Variants in KIF5B observed in about 807,000 individuals in gnomAD.
KIF5B encodes the protein kinesin-1 heavy chain.
Under a neutral mutation model 132.8 loss-of-function variants are expected in KIF5B, and 49 were observed. The observed-to-expected ratio is 0.37, with a 90% CI of 0.29 to 0.47. KIF5B has a LOEUF of 0.47. KIF5B is among the 20% of genes least tolerant of loss of function. The probability of loss-of-function intolerance (pLI) is 1.00; values close to 1 mark genes in which losing one functional copy is unlikely to be tolerated. For synonymous variants in KIF5B, 355 were observed against 369.4 expected, an observed-to-expected ratio of 0.96 and a Z score of 0.45; for missense variants, 780 against 1,144.0, an observed-to-expected ratio of 0.68 and a Z score of 4.59.
At chr10:32,034,423 A>C (rs1439340722) in intron 11 of KIF5B, among the ~76,000 whole-genome samples, 1 of 151,972 alleles carries the variant, frequency 6.6e-6, no homozygotes, top group African/African-American at 2.4e-5. Flanking sequence ...CGTTCTTTCA[A>C]ACTTTTTCTT....
At chr10:32,055,355 G>T (rs560090848) in intron 1 of KIF5B, among the ~76,000 whole-genome samples, 2 of 152,220 alleles carry the variant, frequency 1.3e-5, no homozygotes, top group East Asian at 3.9e-4. Context: ...AAACAATACG[G>T]TTCAAGGACT....
chr10:32,015,019 G>A (rs1279403480), intron 25 of KIF5B, among the ~76,000 whole-genome samples: 1 of 152,134 alleles, frequency 6.6e-6, no homozygotes, highest in Non-Finnish European at 1.5e-5. Flanking sequence ...CAGTTTGGGA[G>A]GCTGAGGCAG....
chr10:32,034,612 T>G (rs1016187952), intron 11 of KIF5B, 78 bp downstream of exon 11: 135 of 1,087,916 alleles, frequency 1.2e-4, no homozygotes, highest in Non-Finnish European at 1.7e-4. Context: ...CTTACTGATT[T>G]TGCTGAACTA....
rs1841203058 is a variant in KIF5B at position 32,018,244 on chromosome 10, C to A, written c.2439+72G>T. The A allele has an allele frequency of 2.8e-6, 4 of 1,453,982 alleles. No homozygotes were observed. In the Admixed American group the frequency reaches 9.0e-5, roughly 33 times the overall value. The allele number at this position is 1,453,982 out of a possible 1,614,324, so 90.1% of individuals were successfully genotyped here. A position where few individuals can be genotyped will look rare whatever the true frequency, so the allele number is the denominator to read the frequency against. ...TTGACGTGACTGTAAAGTTATTTCA[C>A]TTTGAATACAAATAATTACCTAGAA... On this transcript the variant is annotated intron_variant, in intron 22 of 25. Coordinates refer to ENST00000302418, the MANE Select transcript of KIF5B (RefSeq NM_004521.3).
chr10:32,033,038 C>T (rs2132599726), intron 12 of KIF5B, among the ~76,000 whole-genome samples: 1 of 152,254 alleles, frequency 6.6e-6, no homozygotes, highest in Non-Finnish European at 1.5e-5. Flanking sequence ...AAAATATTTT[C>T]TTCTAATCTC....
At position 32,021,221 on chromosome 10, in the gene KIF5B, CTTGCCTTAACTTCAT is replaced by C; in HGVS notation, c.2084_2094+4del. The C allele has an allele frequency of 6.2e-7, 1 of 1,612,126 alleles. No individual in the cohort carries two copies. The highest frequency in any genetic ancestry group is 8.5e-7 in the Non-Finnish European group (1 of 1,178,376). ...AAGCTGTTAGAAATGTGACATCAAA[CTTGCCTTAACTTCAT>C]TTGCAGTCTGAACCTTATTTAAGTG... On this transcript the variant is annotated splice_donor_variant and splice_donor_region_variant and coding_sequence_variant and intron_variant, in exon 18 of 26. Coordinates refer to ENST00000302418, the MANE Select transcript of KIF5B (RefSeq NM_004521.3). LOFTEE classifies it high-confidence loss of function.
chr10:32,040,315 A>T (rs1841515972), intron 3 of KIF5B, 69 bp downstream of exon 3: 1 of 922,644 alleles, frequency 1.1e-6, no homozygotes, highest in African/African-American at 1.6e-5. Context: ...GCATGGTGAA[A>T]TAATATCACA....
chr10:32,031,236 T>C lies in KIF5B; in HGVS notation c.1418A>G (p.Glu473Gly). The C allele has an allele frequency of 6.2e-7, 1 of 1,614,018 alleles. No individual in the cohort carries two copies. Among genetic ancestry groups the C allele is most frequent in the Non-Finnish European group, 8.5e-7 (1 of 1,180,000 alleles). The stretch of plus-strand genomic sequence containing the variant: ...ATTTTCTGCTTGAAGGCGATTCAGC[T>C]CAGCTTGCATATTGTCTTGATCCCT... ...TRRDQDNMQA[E>G]LNRLQAENDA... Residue 473 changes from glutamate (E) to glycine (G), a missense_variant, in exon 14 of 26, where the codon GAG (glutamate) becomes GGG (glycine). Glu to Gly is a moderately conservative substitution (Grantham distance 98). Transcript: ENST00000302418.
intron 1 of KIF5B, among the ~76,000 whole-genome samples, chr10:32,050,412 G>C (rs1841678649): frequency 6.6e-6 from 1 of 152,180 alleles, no homozygotes; most frequent in Non-Finnish European, 1.5e-5. Flanking sequence ...TTGTTATCCT[G>C]ATAAAAAGGA....
chr10:32,033,959 A>G lies in KIF5B; in HGVS notation c.1191T>C (p.Thr397=), dbSNP rs1012614433. ...CGGTTGCTGGTTTATCATTGGTAAG[A>G]GTAATATCTTTATCCACTGTGAAAG... is the stretch of plus-strand genomic sequence containing the variant. ...LEAFTVDKDI[T]LTNDKPATAI... The change falls in exon 12 of 26, where the codon ACT becomes ACC. Residue 397 remains threonine (T), a synonymous_variant. Transcript: ENST00000302418. 1 of 1,612,158 alleles carries G rather than the reference A, an allele frequency of 6.2e-7. No individual in the cohort carries two copies. Among genetic ancestry groups the G allele is most frequent in the Non-Finnish European group, 8.5e-7 (1 of 1,178,602 alleles).
Position 32,015,705 on chromosome 10 carries a change from T to A in KIF5B, c.2762-46A>T, listed in dbSNP as rs112836367. On this transcript the variant is annotated intron_variant, in intron 24 of 25. Coordinates refer to ENST00000302418, the MANE Select transcript of KIF5B (RefSeq NM_004521.3). The stretch of plus-strand genomic sequence containing the variant: ...AGACTTTAGAATAAAGTTTAAGATG[T>A]GACTGCAATGACTGTTAAGGTTTCT... 782 of 1,434,392 alleles carry A rather than the reference T, an allele frequency of 5.5e-4. 5 individuals are homozygous for A. In the African/African-American group the frequency reaches 0.01, roughly 18 times the overall value. 88.9% of individuals were successfully genotyped at this position (1,434,392 alleles called of 1,614,324 possible).
chr10:32,046,480 A>T (rs986172002), intron 2 of KIF5B, among the ~76,000 whole-genome samples: 1 of 152,204 alleles, frequency 6.6e-6, no homozygotes, highest in East Asian at 1.9e-4. Flanking sequence ...TTACTGTTGT[A>T]ATAAAACAGT....
intron 14 of KIF5B, among the ~76,000 whole-genome samples, chr10:32,030,470 GC>G (rs1841388349): frequency 6.6e-6 from 1 of 150,982 alleles, no homozygotes; most frequent in Admixed American, 6.6e-5. Flanking sequence ...AGCCAAGATT[GC>G]GCCATTGCAC....
At chr10:32,045,170 G>A (rs1015396254) in intron 2 of KIF5B, among the ~76,000 whole-genome samples, 2 of 152,074 alleles carry the variant, frequency 1.3e-5, no homozygotes, top group Non-Finnish European at 2.9e-5. Context: ...AAGAGACTGT[G>A]TAACTAAGGA....
At chr10:32,034,927 A>T (rs1841445574) in intron 10 of KIF5B, 89 bp from the exon 11 acceptor site, 1 of 957,238 alleles carries the variant, frequency 1.0e-6, no homozygotes, top group South Asian at 3.3e-5. Flanking sequence ...ATGGCTAAGA[A>T]ACTTATGCTT....
At chr10:32,053,063 T>C (rs1841713896) in intron 1 of KIF5B, among the ~76,000 whole-genome samples, 1 of 152,226 alleles carries the variant, frequency 6.6e-6, no homozygotes, top group Non-Finnish European at 1.5e-5. Context: ...AAATAGAAGA[T>C]TGTATACAAA....
intron 14 of KIF5B, among the ~76,000 whole-genome samples, chr10:32,029,742 A>G (rs757911891): frequency 9.8e-5 from 15 of 152,336 alleles, no homozygotes; most frequent in Non-Finnish European, 2.1e-4. Context: ...AAACATAAAT[A>G]TAACTGTCTT....
intron 15 of KIF5B, among the ~76,000 whole-genome samples, chr10:32,024,065 A>C (rs1426507802): frequency 5.6e-5 from 1 of 17,936 alleles, no homozygotes; most frequent in African/African-American, 1.0e-4. Flanking sequence ...AAAAAAAAAC[A>C]AAAAAAAAAA....
intron 2 of KIF5B, among the ~76,000 whole-genome samples, chr10:32,045,586 A>G (rs1024763459): frequency 5.9e-5 from 9 of 152,258 alleles, no homozygotes; most frequent in African/African-American, 2.2e-4. Flanking sequence ...TTACTTTTAA[A>G]AGCCAAAGAG....
Sources: allele counts gnomAD v4.1 joint callset (sites outside exome capture counted in the v4.1 genomes callset), GRCh38; gene constraint gnomAD v4.1.1; transcripts MANE v1.5; gene names NCBI Gene and HGNC (gene_info 2026-07-23, HGNC 2026-07-21).